Variants in AP1B1 observed in about 807,000 individuals in gnomAD.
The protein encoded by AP1B1 is AP-1 complex subunit beta-1.
A neutral mutation model predicts 104.3 loss-of-function variants in AP1B1; 36 were observed. That is an observed-to-expected ratio of 0.35 (90% CI 0.26 to 0.46). The LOEUF is 0.46. Among genes scored for constraint, AP1B1 ranks in the 20% least tolerant of loss-of-function variants. The probability of loss-of-function intolerance (pLI) is 1.00; values close to 1 mark genes in which losing one functional copy is unlikely to be tolerated. For missense variants in AP1B1, 901 were observed against 1,247.9 expected, an observed-to-expected ratio of 0.72 and a Z score of 4.19; for synonymous variants, 504 against 517.5, an observed-to-expected ratio of 0.97 and a Z score of 0.35.
At chr22:29,379,257 G>T (rs1173189935) in intron 1 of AP1B1, among the ~76,000 whole-genome samples, 1 of 152,124 alleles carries the variant, frequency 6.6e-6, no homozygotes, top group Admixed American at 6.5e-5. Flanking sequence ...GGAGTCTCAG[G>T]CAGGAGAATT....
At chr22:29,343,773 T>C (rs1602713537) in intron 11 of AP1B1, among the ~76,000 whole-genome samples, 1 of 152,240 alleles carries the variant, frequency 6.6e-6, no homozygotes, top group East Asian at 1.9e-4. Flanking sequence ...TATAAAACAG[T>C]CATTACACCT....
At chr22:29,359,029 T>C (rs2062004018) in intron 4 of AP1B1, 58 bp from the exon 5 acceptor site, 1 of 1,520,204 alleles carries the variant, frequency 6.6e-7, no homozygotes, top group Non-Finnish European at 8.9e-7. Flanking sequence ...TGTGGCTTCA[T>C]ATTCTCCCTG....
At position 29,330,415 on chromosome 22, in the gene AP1B1, G is replaced by A. The variant is rs144652436; in HGVS notation, c.2729C>T (p.Ala910Val). Reference sequence around the variant, plus strand: ...GTTGCCCGGCTGGATCCGCAGCTCCGCCAGCACCCAGATGCCGTTGGTCAG... The same window carrying A: ...GTTGCCCGGCTGGATCCGCAGCTCCACCAGCACCCAGATGCCGTTGGTCAG... The part of the protein sequence containing the change: ...LKLTNGIWVL[A>V]ELRIQPGNPS... The change falls in exon 21 of 23, where the codon GCG (alanine) becomes GTG (valine). Residue 910 changes from alanine (A) to valine (V), a missense_variant. Ala to Val is a moderately conservative substitution (Grantham distance 64, BLOSUM62 0). Transcript: ENST00000357586. The A allele has an allele frequency of 3.1e-5, 50 of 1,613,622 alleles. No individual in the cohort carries two copies. The highest frequency in any genetic ancestry group is 3.9e-5 in the Non-Finnish European group (46 of 1,179,962).
Position 29,334,560 on chromosome 22 carries a change from G to A in AP1B1, c.2164-150C>T. ...ACCTTTACTGCTAGGGGATGAACAGGTGTGTACTGGGAACAGAACAATCCC... is the reference window on the plus strand; with the variant it reads ...ACCTTTACTGCTAGGGGATGAACAGATGTGTACTGGGAACAGAACAATCCC... On this transcript the variant is annotated intron_variant, in intron 16 of 22. Transcript: ENST00000357586. The A allele has an allele frequency of 3.4e-6, 3 of 871,402 alleles. No homozygotes were observed. In the South Asian group the frequency reaches 5.6e-5, roughly 16 times the overall value. 54.0% of individuals were successfully genotyped at this position (871,402 alleles called of 1,614,324 possible).
At chr22:29,372,545 A>G (rs1261292837) in intron 1 of AP1B1, among the ~76,000 whole-genome samples, 2 of 152,124 alleles carry the variant, frequency 1.3e-5, no homozygotes, top group East Asian at 3.8e-4. Flanking sequence ...AGACTTTTGG[A>G]AACAGTGTCC....
intron 11 of AP1B1, among the ~76,000 whole-genome samples, chr22:29,348,611 C>T (rs1269988769): frequency 1.3e-5 from 2 of 152,162 alleles, no homozygotes; most frequent in Non-Finnish European, 2.9e-5. Context: ...TTGACAAAAA[C>T]GTTGGGTCTA....
chr22:29,355,500 G>T (rs960566545), intron 6 of AP1B1, among the ~76,000 whole-genome samples: 6 of 152,062 alleles, frequency 3.9e-5, no homozygotes, highest in Non-Finnish European at 5.9e-5. Flanking sequence ...GTAGGAGAAA[G>T]ATCTAAATCT....
rs1255279833 is a variant in AP1B1, at chr22:29,362,636, C to T, written c.143+365G>A. On this transcript the variant is annotated intron_variant, in intron 3 of 22. Transcript: ENST00000357586. ...CTAGGATTACAGGCGTGAGCCACCG[C>T]GCCTGGCCCAGATTTCCCATTCTTT... Among the ~76,000 whole-genome samples, 3 of 152,228 alleles carry T rather than the reference C, an allele frequency of 2.0e-5. No individual in the cohort carries two copies. In the South Asian group the frequency reaches 6.2e-4, roughly 32 times the overall value.
At chr22:29,376,096 A>G (rs1286391890) in intron 1 of AP1B1, among the ~76,000 whole-genome samples, 1 of 152,228 alleles carries the variant, frequency 6.6e-6, no homozygotes, top group Non-Finnish European at 1.5e-5. Context: ...AACATGACAT[A>G]AGATGTTTCC....
intron 6 of AP1B1, among the ~76,000 whole-genome samples, chr22:29,356,185 T>C (rs1049654542): frequency 1.3e-5 from 2 of 152,244 alleles, no homozygotes; most frequent in Admixed American, 6.5e-5. Context: ...TGCCCTGGGC[T>C]TCTGCCAGCT....
intron 11 of AP1B1, among the ~76,000 whole-genome samples, chr22:29,344,814 G>A (rs191205461): frequency 3.3e-5 from 5 of 151,700 alleles, no homozygotes; most frequent in African/African-American, 1.2e-4. Flanking sequence ...CCCAGCTGCT[G>A]ACCAAGACTT....
intron 1 of AP1B1, among the ~76,000 whole-genome samples, chr22:29,379,786 C>T (rs2062408302): frequency 6.6e-6 from 1 of 152,140 alleles, no homozygotes; most frequent in African/African-American, 2.4e-5. Flanking sequence ...AGAGATGCAC[C>T]ACGAAATTGC....
At chr22:29,349,102 C>G in intron 11 of AP1B1, 116 bp downstream of exon 11, 1 of 1,247,918 alleles carries the variant, frequency 8.0e-7, no homozygotes, top group Non-Finnish European at 1.1e-6. Flanking sequence ...CATCACTCAT[C>G]TGTCTGTCAG....
intron 18 of AP1B1, 40 bp from the exon 19 acceptor site, chr22:29,331,573 A>C (rs576799751): frequency 1.2e-6 from 2 of 1,609,740 alleles, no homozygotes; most frequent in Admixed American, 1.7e-5. Context: ...CTGGGGCTTG[A>C]CGCCACCTCT....
In AP1B1 at chr22:29,337,354, C is replaced by A. The variant is rs530391656; in HGVS notation, c.2163+1636G>T. ...TGTGCTGTCCCTACAAGGAAGTGTG[C>A]GGCTACTAGTGTCCGAGTTGCTGTC... On this transcript the variant is annotated intron_variant, in intron 16 of 22. Coordinates refer to ENST00000357586, the MANE Select transcript of AP1B1 (RefSeq NM_001127.4). Among the ~76,000 whole-genome samples, 21 of 152,296 alleles carry A rather than the reference C, an allele frequency of 1.4e-4. No homozygotes were observed. In the East Asian group the frequency reaches 3.1e-3, roughly 22 times the overall value.
rs2061507235 is a variant in AP1B1, at chr22:29,328,308, T to A, written c.*513A>T. The A allele has an allele frequency of 6.5e-6, 1 of 154,158 alleles. No homozygotes were observed. The highest frequency in any genetic ancestry group is 6.4e-5 in the Admixed American group (1 of 15,532). The allele number at this position is 154,158 out of a possible 1,614,324, so 9.5% of individuals were successfully genotyped here. The stretch of plus-strand genomic sequence containing the variant: ...GCTCCTCCCAGCCTAGCTCTGCCCC[T>A]CTGCCGGCACCTACAGCTCCTTGAG... On this transcript the variant is annotated 3_prime_UTR_variant, in exon 23 of 23. Coordinates refer to ENST00000357586, the MANE Select transcript of AP1B1 (RefSeq NM_001127.4). The surrounding 1 kb of genome is among the most constrained non-coding windows in gnomAD (Gnocchi z 4.1).
At chr22:29,356,212 C>T (rs901879016) in intron 6 of AP1B1, among the ~76,000 whole-genome samples, 3 of 152,242 alleles carry the variant, frequency 2.0e-5, no homozygotes, top group African/African-American at 7.2e-5. Context: ...CCAGGCCATG[C>T]GTATGCCCAT....
intron 1 of AP1B1, among the ~76,000 whole-genome samples, chr22:29,376,919 G>A (rs750035323): frequency 3.3e-5 from 5 of 152,074 alleles, no homozygotes; most frequent in Admixed American, 6.6e-5. Flanking sequence ...GAAAGGGGCC[G>A]GGCATGCTGG....
intron 12 of AP1B1, 117 bp from the exon 13 acceptor site, chr22:29,341,877 C>A: frequency 1.6e-6 from 2 of 1,230,424 alleles, no homozygotes; most frequent in Non-Finnish European, 2.2e-6. Flanking sequence ...GACAGCAGTC[C>A]TGAGTGCTCC....
Sources: gnomAD v4.1 joint callset for allele counts (sites outside exome capture counted in the v4.1 genomes callset) on GRCh38, gnomAD v4.1.1 for gene constraint, Gnocchi (gnomAD v3.1) non-coding constraint, MANE v1.5 for transcripts, NCBI Gene and HGNC (gene_info 2026-07-23, HGNC 2026-07-21) for gene names.